The following RBFOX1 variants were observed in gnomAD, a reference collection of about 807,000 sequenced individuals.
RBFOX1 encodes RNA binding fox-1 homolog 1.
Under a neutral mutation model 57.7 loss-of-function variants are expected in RBFOX1, and 8 were observed. That is an observed-to-expected ratio of 0.14 (90% CI 0.08 to 0.25). The LOEUF is 0.25. Among genes scored for constraint, RBFOX1 ranks in the 10% least tolerant of loss-of-function variants. The probability of loss-of-function intolerance (pLI) is 1.00; values close to 1 mark genes in which losing one functional copy is unlikely to be tolerated. For missense variants in RBFOX1, 611 were observed against 548.5 expected (o/e 1.11, Z -1.14); for synonymous variants, 326 against 222.4 (o/e 1.47, Z -4.15).
chr16:6,834,107 C>CG (rs1044707181), intron 3 of RBFOX1, among the ~76,000 whole-genome samples: 1 of 151,904 alleles, frequency 6.6e-6, no homozygotes, highest in African/African-American at 2.4e-5. Flanking sequence ...CTCTTTCGCC[C>CG]GGGCTGGTGT....
chr16:7,425,991 G>C (rs2098606892), intron 4 of RBFOX1, among the ~76,000 whole-genome samples: 1 of 152,210 alleles, frequency 6.6e-6, no homozygotes, highest in Non-Finnish European at 1.5e-5. Context: ...ATACACATTG[G>C]TGTTCATTTG....
At chr16:5,267,876 G>A (rs1431463021) in intron 1 of RBFOX1, among the ~76,000 whole-genome samples, 2 of 152,022 alleles carry the variant, frequency 1.3e-5, no homozygotes, top group Admixed American at 6.6e-5. Flanking sequence ...GAGGTCAGGA[G>A]TTTGAGCACA....
At position 7,116,980 on chromosome 16, in the gene RBFOX1, G is replaced by C. The variant is rs117077663; in HGVS notation, c.27+64882G>C. Among the ~76,000 whole-genome samples the C allele has an allele frequency of 7.8e-3, 1,182 of 152,250 alleles. 11 individuals are homozygous for C. The highest frequency in any genetic ancestry group is 0.012 in the Non-Finnish European group (807 of 68,004). ...TCAGGTAGGGAAAGTCCATAGAGAA[G>C]GGTTTGTTTCCTCTGAGATACGTAG... is the stretch of plus-strand genomic sequence containing the variant. On this transcript the variant is annotated intron_variant, in intron 4 of 15. Transcript: ENST00000550418.
At chr16:7,026,155 G>A (rs1306492982) in intron 3 of RBFOX1, among the ~76,000 whole-genome samples, 3 of 152,114 alleles carry the variant, frequency 2.0e-5, no homozygotes, top group African/African-American at 4.8e-5. Flanking sequence ...CTCTGCGTGG[G>A]GTCTCCCTTA....
chr16:7,413,600 C>T (rs762402970), intron 4 of RBFOX1, among the ~76,000 whole-genome samples: 4 of 152,090 alleles, frequency 2.6e-5, no homozygotes, highest in African/African-American at 7.2e-5. Context: ...CCCCTGCCCC[C>T]TGCCTGCCCC....
chr16:5,791,428 C>G (rs562908512), intron 3 of RBFOX1, among the ~76,000 whole-genome samples: 1 of 152,250 alleles, frequency 6.6e-6, no homozygotes, highest in East Asian at 1.9e-4. Flanking sequence ...TTACAGCAAT[C>G]CTAGGATCTG....
intron 4 of RBFOX1, among the ~76,000 whole-genome samples, chr16:7,068,627 C>T (rs2153770302): frequency 6.6e-6 from 1 of 152,266 alleles, no homozygotes. Context: ...ACTCTTGTTT[C>T]CCAGGCTGGA....
intron 4 of RBFOX1, among the ~76,000 whole-genome samples, chr16:7,213,225 A>T (rs2091465899): frequency 1.3e-5 from 2 of 152,192 alleles, no homozygotes; most frequent in South Asian, 2.1e-4. Context: ...GCAGAAAAAC[A>T]ATGAGGCATC....
At chr16:6,978,393 A>G (rs546466612) in intron 3 of RBFOX1, among the ~76,000 whole-genome samples, 6 of 152,218 alleles carry the variant, frequency 3.9e-5, no homozygotes, top group African/African-American at 1.2e-4. Flanking sequence ...CATGAGGACA[A>G]TGACAGCTAC....
chr16:5,612,027 C>T (rs2047835069), intron 3 of RBFOX1, among the ~76,000 whole-genome samples: 1 of 151,746 alleles, frequency 6.6e-6, no homozygotes, highest in Admixed American at 6.6e-5. Flanking sequence ...ACTTGGGAGG[C>T]TGGGATGGAA....
chr16:6,673,342 C>G (rs953394179), intron 3 of RBFOX1, among the ~76,000 whole-genome samples: 11 of 152,046 alleles, frequency 7.2e-5, no homozygotes, highest in African/African-American at 2.4e-4. Context: ...AATCCCAGCA[C>G]TTTGGGAGGC....
intron 4 of RBFOX1, among the ~76,000 whole-genome samples, chr16:7,332,471 C>T (rs1025602946): frequency 5.3e-5 from 8 of 152,150 alleles, no homozygotes; most frequent in African/African-American, 1.9e-4. Context: ...CTATCAGTGC[C>T]AAACGTTGCC....
chr16:7,376,768 G>A (rs966626038), intron 4 of RBFOX1, among the ~76,000 whole-genome samples: 1 of 152,182 alleles, frequency 6.6e-6, no homozygotes, highest in Non-Finnish European at 1.5e-5. Context: ...TAAAACGTCA[G>A]TGCAGAAACT....
intron 3 of RBFOX1, among the ~76,000 whole-genome samples, chr16:6,692,517 C>G (rs1326040666): frequency 6.6e-6 from 1 of 152,258 alleles, no homozygotes; most frequent in East Asian, 1.9e-4. Flanking sequence ...CAGCATGTGT[C>G]GGCCTCCTGG....
intron 2 of RBFOX1, among the ~76,000 whole-genome samples, chr16:6,372,975 G>A (rs978234613): frequency 3.3e-5 from 5 of 152,070 alleles, no homozygotes; most frequent in Middle Eastern, 3.2e-3. Context: ...AAGTATAGTC[G>A]GATGGGAGGG....
chr16:7,080,627 G>T (rs976062959), intron 4 of RBFOX1, among the ~76,000 whole-genome samples: 4 of 151,936 alleles, frequency 2.6e-5, no homozygotes, highest in African/African-American at 9.7e-5. Flanking sequence ...GTTCTCTTGG[G>T]GTACACTCAC....
intron 4 of RBFOX1, among the ~76,000 whole-genome samples, chr16:7,362,248 T>C (rs1050855246): frequency 1.3e-5 from 2 of 151,688 alleles, no homozygotes; most frequent in African/African-American, 4.8e-5. Flanking sequence ...TGTTAGTATA[T>C]TTTTTGTTAG....
At chr16:7,338,266 G>A (rs1304558882) in intron 4 of RBFOX1, among the ~76,000 whole-genome samples, 3 of 149,356 alleles carry the variant, frequency 2.0e-5, no homozygotes, top group Non-Finnish European at 3.0e-5. Flanking sequence ...TCTCTGAGAT[G>A]GTAAGCTCTC....
intron 2 of RBFOX1, among the ~76,000 whole-genome samples, chr16:6,522,690 A>C (rs2096524888): frequency 6.6e-6 from 1 of 152,184 alleles, no homozygotes; most frequent in Admixed American, 6.5e-5. Flanking sequence ...TACAGTACCT[A>C]AGAAACAGTG....
Sources: gnomAD v4.1 joint callset for allele counts (sites outside exome capture counted in the v4.1 genomes callset) on GRCh38, gnomAD v4.1.1 for gene constraint, MANE v1.5 for transcripts, NCBI Gene and HGNC (gene_info 2026-07-23, HGNC 2026-07-21) for gene names.